ATF2: variants seen among roughly 807,000 people sequenced by gnomAD.
ATF2 encodes activating transcription factor 2.
A neutral mutation model predicts 60.6 loss-of-function variants in ATF2; 24 were observed. That is an observed-to-expected ratio of 0.40 (90% CI 0.29 to 0.56). The LOEUF is 0.56. ATF2 is among the 20% of genes least tolerant of loss of function. The probability of loss-of-function intolerance (pLI) is 0.54; values close to 1 mark genes in which losing one functional copy is unlikely to be tolerated. For missense variants in ATF2, 433 were observed against 607.7 expected (o/e 0.71, Z 3.02); for synonymous variants, 206 against 215.4 (o/e 0.96, Z 0.38).
At chr2:175,101,767 C>T (rs956777142) in intron 10 of ATF2, among the ~76,000 whole-genome samples, 1 of 152,098 alleles carries the variant, frequency 6.6e-6, no homozygotes, top group African/African-American at 2.4e-5. Flanking sequence ...AGTACTCATC[C>T]AGTGAGGAAG....
At chr2:175,095,595 G>A (rs1220125436) in intron 11 of ATF2, among the ~76,000 whole-genome samples, 1 of 152,200 alleles carries the variant, frequency 6.6e-6, no homozygotes, top group Non-Finnish European at 1.5e-5. Context: ...CTTCTTAGAA[G>A]TGTATACTGC....
intron 2 of ATF2, among the ~76,000 whole-genome samples, chr2:175,141,880 T>G (rs979053664): frequency 1.3e-5 from 2 of 152,062 alleles, no homozygotes; most frequent in Admixed American, 1.3e-4. Context: ...AAATAAATAT[T>G]CCTCCATACA....
At chr2:175,142,722 T>A (rs6758578) in intron 2 of ATF2, among the ~76,000 whole-genome samples, 878 of 61,166 alleles carry the variant, frequency 0.014, 2 homozygotes, top group East Asian at 0.041. Flanking sequence ...AGAGAGAGAG[T>A]GTGTGTGTGT....
chr2:175,092,992 GAA>G, intron 12 of ATF2, 67 bp downstream of exon 12: 1 of 1,454,688 alleles, frequency 6.9e-7, no homozygotes, highest in South Asian at 1.3e-5. Context: ...GCCCAACTAG[GAA>G]AAAAAAAATC....
At chr2:175,136,672 C>T (rs1040059998) in intron 2 of ATF2, among the ~76,000 whole-genome samples, 186 bp from the exon 3 acceptor site, 1 of 152,048 alleles carries the variant, frequency 6.6e-6, no homozygotes, top group Admixed American at 6.5e-5. Context: ...ATATCCTAAA[C>T]ATAGGTATTA....
intron 11 of ATF2, among the ~76,000 whole-genome samples, chr2:175,095,963 C>T (rs1450967327): frequency 6.6e-6 from 1 of 152,078 alleles, no homozygotes; most frequent in Non-Finnish European, 1.5e-5. Flanking sequence ...AATCACTCAG[C>T]CCCTCATTTT....
At chr2:175,120,816 G>C (rs1696906545) in intron 5 of ATF2, among the ~76,000 whole-genome samples, 1 of 151,376 alleles carries the variant, frequency 6.6e-6, no homozygotes, top group African/African-American at 2.4e-5. Context: ...ACCAAAAAAA[G>C]GCAGCTAATA....
At chr2:175,159,180 C>T (rs967368123) in intron 1 of ATF2, among the ~76,000 whole-genome samples, 3 of 151,844 alleles carry the variant, frequency 2.0e-5, no homozygotes, top group African/African-American at 7.3e-5. Context: ...ATCAGCGGGG[C>T]GTGGTGGCGG....
intron 7 of ATF2, 95 bp from the exon 8 acceptor site, chr2:175,114,963 GAAT>G (rs1047903528): frequency 3.2e-5 from 37 of 1,174,520 alleles, no homozygotes; most frequent in South Asian, 9.4e-5. Flanking sequence ...AGCATCTACA[GAAT>G]AATAACTGCT....
chr2:175,167,645 A>G (rs1325730841), intron 1 of ATF2: 3 of 499,638 alleles, frequency 6.0e-6, no homozygotes, highest in Admixed American at 2.1e-5. Flanking sequence ...TGTGGGTGGG[A>G]GAGGTCTCCC....
chr2:175,077,385 A>G (rs1369129504), intron 13 of ATF2, among the ~76,000 whole-genome samples: 12 of 152,182 alleles, frequency 7.9e-5, no homozygotes, highest in Non-Finnish European at 1.6e-4. Flanking sequence ...TGACTTCCAC[A>G]ATGGTTGAAC....
intron 10 of ATF2, among the ~76,000 whole-genome samples, chr2:175,098,705 GGTGA>G (rs571798058): frequency 9.9e-5 from 15 of 152,092 alleles, no homozygotes; most frequent in Admixed American, 2.0e-4. Context: ...AGCAGAAAGG[GGTGA>G]GTGAGAGAAG....
intron 12 of ATF2, among the ~76,000 whole-genome samples, chr2:175,082,517 A>G (rs900546141): frequency 3.9e-5 from 6 of 152,156 alleles, no homozygotes; most frequent in Non-Finnish European, 8.8e-5. Context: ...CTTGATTTTG[A>G]GACTGATGTC....
intron 12 of ATF2, among the ~76,000 whole-genome samples, chr2:175,087,906 T>C (rs1311613927): frequency 6.6e-6 from 1 of 152,198 alleles, no homozygotes; most frequent in Non-Finnish European, 1.5e-5. Context: ...CACACTTTAA[T>C]TACTTGTTTC....
chr2:175,109,014 A>G (rs1007508410), intron 10 of ATF2, among the ~76,000 whole-genome samples: 1 of 152,054 alleles, frequency 6.6e-6, no homozygotes, highest in Non-Finnish European at 1.5e-5. Flanking sequence ...AATCTCAAGT[A>G]CCCAGGGACA....
In ATF2 at chr2:175,104,468, G is replaced by C. The variant is rs10181383; in HGVS notation, c.829-6875C>G. ...ACAAGTTTTAAGGTGGTGGCAGGGTGGGGGGGGCGGTGCGCAAACAGGTGA... is the reference window on the plus strand; with the variant it reads ...ACAAGTTTTAAGGTGGTGGCAGGGTCGGGGGGGCGGTGCGCAAACAGGTGA... On this transcript the variant is annotated intron_variant, in intron 10 of 13. Transcript: ENST00000264110. Among the ~76,000 whole-genome samples the C allele has an allele frequency of 2.2e-3, 331 of 151,344 alleles. 1 individual carries two copies. The highest frequency in any genetic ancestry group is 3.2e-3 in the Non-Finnish European group (219 of 67,752).
intron 4 of ATF2, chr2:175,127,276 T>C (rs1697402585): frequency 1.3e-5 from 2 of 154,636 alleles, no homozygotes; most frequent in South Asian, 4.1e-4. Context: ...AAATCTGATT[T>C]ACCAGAAAGA....
chr2:175,167,481 C>G (rs545725206), intron 1 of ATF2, among the ~76,000 whole-genome samples: 52 of 152,232 alleles, frequency 3.4e-4, no homozygotes, highest in African/African-American at 1.2e-3. Flanking sequence ...CCATTCTTTC[C>G]TTCAAGCTGC....
At chr2:175,164,765 A>C (rs1217260217) in intron 1 of ATF2, among the ~76,000 whole-genome samples, 1 of 152,234 alleles carries the variant, frequency 6.6e-6, no homozygotes, top group Non-Finnish European at 1.5e-5. Context: ...ATTTTAGACA[A>C]GTTCTTAGCC....
Sources: allele counts gnomAD v4.1 joint callset (sites outside exome capture counted in the v4.1 genomes callset), GRCh38; gene constraint gnomAD v4.1.1; transcripts MANE v1.5; gene names NCBI Gene and HGNC (gene_info 2026-07-23, HGNC 2026-07-21).